UBE2V1: variants seen among roughly 807,000 people sequenced by gnomAD.
UBE2V1 encodes the protein ubiquitin conjugating enzyme E2 V1, also known as ubiquitin-conjugating enzyme E2 variant 1.
A neutral mutation model predicts 19.6 loss-of-function variants in UBE2V1; 15 were observed. The observed-to-expected ratio is 0.77, with a 90% CI of 0.51 to 1.18. The LOEUF (loss-of-function observed/expected upper bound fraction) is 1.18, where lower values mean the gene tolerates loss of function less well. Among genes scored for constraint, UBE2V1 ranks in the 50% most tolerant of loss-of-function variants. UBE2V1 has a pLI of 0.00. For synonymous variants in UBE2V1, 60 were observed against 60.7 expected (o/e 0.99, Z 0.05); for missense variants, 125 against 184.8 (o/e 0.68, Z 1.88).
intron 1 of UBE2V1, among the ~76,000 whole-genome samples, chr20:50,108,747 C>G (rs1224607241): frequency 6.6e-6 from 1 of 152,154 alleles, no homozygotes; most frequent in African/African-American, 2.4e-5. Flanking sequence ...GCTCCAAGCC[C>G]AAGAGGTGTG....
At chr20:50,103,507 G>C (rs141428506) in intron 1 of UBE2V1, among the ~76,000 whole-genome samples, 1 of 152,306 alleles carries the variant, frequency 6.6e-6, no homozygotes, top group Non-Finnish European at 1.5e-5. Context: ...CTGTGTTGAA[G>C]TGTTTCTTGC....
chr20:50,100,098 A>G (rs897742609), intron 1 of UBE2V1, among the ~76,000 whole-genome samples: 1 of 150,502 alleles, frequency 6.6e-6, no homozygotes, highest in Non-Finnish European at 1.5e-5. Context: ...ACCCTGTCTC[A>G]AAAACCAAAA....
chr20:50,082,675 A>C lies in UBE2V1; in HGVS notation c.*93T>G. On this transcript the variant is annotated 3_prime_UTR_variant, in exon 4 of 4. Coordinates refer to ENST00000371674, the MANE Select transcript of UBE2V1 (RefSeq NM_001032288.3). The stretch of plus-strand genomic sequence containing the variant: ...TCCTTTCCGGTACTTTGAGGTCTAC[A>C]AGACGTATCTAGAAAATTTACTACT... The C allele has an allele frequency of 6.5e-7, 1 of 1,543,338 alleles. No individual in the cohort carries two copies. The highest frequency in any genetic ancestry group is 2.0e-5 in the Admixed American group (1 of 50,812).
At chr20:50,103,452 C>G (rs2080140281) in intron 1 of UBE2V1, among the ~76,000 whole-genome samples, 1 of 152,186 alleles carries the variant, frequency 6.6e-6, no homozygotes, top group African/African-American at 2.4e-5. Flanking sequence ...GTTACCCAGG[C>G]TGGAGTGCAG....
intron 2 of UBE2V1, among the ~76,000 whole-genome samples, chr20:50,087,076 C>CAAAAACA (rs199756233): frequency 6.7e-6 from 1 of 148,740 alleles, no homozygotes; most frequent in Non-Finnish European, 1.5e-5. Context: ...GACTCCATCT[C>CAAAAACA]AAAAACAAAA....
At chr20:50,111,197 A>T in intron 1 of UBE2V1, 1 of 963,918 alleles carries the variant, frequency 1.0e-6, no homozygotes, top group Non-Finnish European at 1.2e-6. Context: ...AGCCTGTCCT[A>T]TGTTATCTAA....
chr20:50,096,435 C>T, intron 2 of UBE2V1: 1 of 1,012,922 alleles, frequency 9.9e-7, no homozygotes, highest in Non-Finnish European at 1.4e-6. Context: ...TCACTGTCTA[C>T]ATTGTCATAT....
At chr20:50,104,262 T>C (rs1157737985) in intron 1 of UBE2V1, 64 of 934,124 alleles carry the variant, frequency 6.9e-5, no homozygotes, top group Admixed American at 2.0e-4. Context: ...AGCCTGGCAA[T>C]AGGGCCAGAC....
intron 1 of UBE2V1, among the ~76,000 whole-genome samples, chr20:50,111,736 G>A (rs1030734968): frequency 1.3e-5 from 2 of 152,144 alleles, no homozygotes; most frequent in Non-Finnish European, 2.9e-5. Flanking sequence ...CCTTGAGACC[G>A]CAGAGTAGCA....
At chr20:50,096,499 AC>A (rs1281864693) in intron 2 of UBE2V1, 172 bp downstream of exon 2, 1 of 1,517,240 alleles carries the variant, frequency 6.6e-7, no homozygotes, top group Non-Finnish European at 8.9e-7. Context: ...GAGGGGTTAA[AC>A]AGCATCAGAG....
At chr20:50,108,695 G>A (rs940487893) in intron 1 of UBE2V1, among the ~76,000 whole-genome samples, 11 of 152,330 alleles carry the variant, frequency 7.2e-5, no homozygotes, top group African/African-American at 2.6e-4. Flanking sequence ...TGGCTTGCAT[G>A]TAAATAAGGA....
At chr20:50,112,194 G>C (rs1035233170) in intron 1 of UBE2V1, among the ~76,000 whole-genome samples, 2 of 152,148 alleles carry the variant, frequency 1.3e-5, no homozygotes, top group African/African-American at 4.8e-5. Context: ...AACATCTCCG[G>C]AACCCGACCT....
At chr20:50,088,785 C>CA (rs10661118) in intron 2 of UBE2V1, among the ~76,000 whole-genome samples, 39,120 of 119,398 alleles carry the variant, frequency 0.33, 7,068 homozygotes, top group African/African-American at 0.51. Flanking sequence ...GACCCTATCT[C>CA]AAAAAAAAAA....
rs1186527117 is a variant in UBE2V1 at position 50,107,723 on chromosome 20, C to CA, written c.22+5383dup. On this transcript the variant is annotated intron_variant, in intron 1 of 3. Transcript: ENST00000371674. Reference sequence around the variant, plus strand: ...CTGAATTAACTCACTGCAACATTCACAAATATTTACTGAGTACCTACTATT... The same window carrying CA: ...CTGAATTAACTCACTGCAACATTCACAAAATATTTACTGAGTACCTACTATT... Among the ~76,000 whole-genome samples, 9 of 152,212 alleles carry CA rather than the reference C, an allele frequency of 5.9e-5. No individual in the cohort carries two copies. The East Asian group carries it at 1.7e-3, about 29-fold the overall frequency.
intron 1 of UBE2V1, among the ~76,000 whole-genome samples, chr20:50,111,780 C>T (rs947965379): frequency 2.6e-5 from 4 of 152,194 alleles, no homozygotes; most frequent in Non-Finnish European, 5.9e-5. Flanking sequence ...CCCTATTTCC[C>T]ATGGATCACC....
rs1334600611 is a variant in UBE2V1, at chr20:50,104,459, C to A, written c.23-7639G>T. On this transcript the variant is annotated intron_variant, in intron 1 of 3. Transcript: ENST00000371674. Reference sequence around the variant, plus strand: ...GATCACGAGGTCAGGAGATCGAGACCATCCTGGCTAACACGGTGAAACCCC... The same window carrying A: ...GATCACGAGGTCAGGAGATCGAGACAATCCTGGCTAACACGGTGAAACCCC... 4 of 544,726 alleles carry A rather than the reference C, an allele frequency of 7.3e-6. No individual in the cohort carries two copies. In the African/African-American group the frequency reaches 8.3e-5, roughly 11 times the overall value. 33.7% of individuals were successfully genotyped at this position (544,726 alleles called of 1,614,324 possible).
At chr20:50,091,105 G>A (rs541544718) in intron 2 of UBE2V1, among the ~76,000 whole-genome samples, 13 of 152,226 alleles carry the variant, frequency 8.5e-5, no homozygotes, top group African/African-American at 3.1e-4. Flanking sequence ...GGAGTCCAGT[G>A]GTATGATCTT....
rs754594279 is a variant in UBE2V1, at chr20:50,082,028, T to C, written c.*740A>G. On this transcript the variant is annotated 3_prime_UTR_variant, in exon 4 of 4. Coordinates refer to ENST00000371674, the MANE Select transcript of UBE2V1 (RefSeq NM_001032288.3). ...AAGTGTCATGGAAGGTGTTGGGTGG[T>C]GACGGTGCAAAAAGGAACTTGAGGA... 1.5e-5 allele frequency: 3 copies of C among 202,216 alleles called. No homozygotes were observed. The highest frequency in any genetic ancestry group is 2.0e-5 in the Non-Finnish European group (2 of 100,864). 12.5% of individuals were successfully genotyped at this position (202,216 alleles called of 1,614,324 possible).
At chr20:50,097,578 C>T (rs2079709742) in intron 1 of UBE2V1, among the ~76,000 whole-genome samples, 1 of 152,138 alleles carries the variant, frequency 6.6e-6, no homozygotes, top group Admixed American at 6.5e-5. Context: ...AGGGAGGGGG[C>T]TATGGGAGGA....
Sources: allele counts gnomAD v4.1 joint callset (sites outside exome capture counted in the v4.1 genomes callset), GRCh38; gene constraint gnomAD v4.1.1; transcripts MANE v1.5; gene names NCBI Gene and HGNC (gene_info 2026-07-23, HGNC 2026-07-21).